The following RIPK1 variants were observed in gnomAD, a reference collection of about 807,000 sequenced individuals.
The protein encoded by RIPK1 is receptor-interacting serine/threonine-protein kinase 1.
RIPK1 carries 27 observed loss-of-function variants against 62.4 expected under a neutral mutation model. That is an observed-to-expected ratio of 0.43 (90% confidence interval 0.32 to 0.60). The LOEUF (loss-of-function observed/expected upper bound fraction) is 0.60, where lower values mean the gene tolerates loss of function less well. Ranked by LOEUF, RIPK1 falls within the 20% of genes least tolerant of loss-of-function variation. RIPK1 has a pLI of 0.07. For missense variants in RIPK1, 735 were observed against 831.0 expected (o/e 0.88, Z 1.42); for synonymous variants, 287 against 303.2 (o/e 0.95, Z 0.55).
chr6:3,077,861 A>G lies in RIPK1; in HGVS notation c.247A>G (p.Ile83Val). 5.6e-6 allele frequency: 9 copies of G among 1,614,234 alleles called. No homozygotes were observed. The highest frequency in any genetic ancestry group is 7.6e-6 in the Non-Finnish European group (9 of 1,180,028). ...GGTGGTGAAGCTCCTGGGCGTCATCATAGAGGAAGGGAAGTACTCCCTGGT... is the reference window on the plus strand; with the variant it reads ...GGTGGTGAAGCTCCTGGGCGTCATCGTAGAGGAAGGGAAGTACTCCCTGGT... ...SRVVKLLGVI[I>V]EEGKYSLVME... is the part of the protein sequence containing the mutation. The change falls in exon 3 of 11, where the codon ATA becomes GTA. Residue 83 changes from isoleucine to valine, a missense_variant. Physicochemically the swap from Ile to Val is conservative, Grantham distance 29. This residue lies in a region of RIPK1 where 671 missense variants were observed against 726.2 expected (regional missense o/e 0.92). Coordinates refer to ENST00000259808, the MANE Select transcript of RIPK1 (RefSeq NM_001354930.2).
chr6:3,096,119 T>C (rs1395671247), intron 7 of RIPK1, among the ~76,000 whole-genome samples: 4 of 152,198 alleles, frequency 2.6e-5, no homozygotes, highest in Admixed American at 2.6e-4. Context: ...TTACAAGGCA[T>C]GAGCCACTGT....
chr6:3,094,277 CA>C (rs1306657456), intron 7 of RIPK1, among the ~76,000 whole-genome samples: 2 of 152,168 alleles, frequency 1.3e-5, no homozygotes, highest in African/African-American at 4.8e-5. Flanking sequence ...AGAGCATTTT[CA>C]AAAACTGACC....
At chr6:3,083,022 A>G in intron 4 of RIPK1, 63 bp from the exon 5 acceptor site, 2 of 1,523,520 alleles carry the variant, frequency 1.3e-6, no homozygotes, top group Non-Finnish European at 1.8e-6. Flanking sequence ...CAAAATTGAA[A>G]GTCAGATCTG....
intron 2 of RIPK1, 113 bp from the exon 3 acceptor site, chr6:3,077,666 G>C (rs1423521240): frequency 8.6e-7 from 1 of 1,164,840 alleles, no homozygotes; most frequent in South Asian, 1.5e-5. Context: ...GGAAGAGATC[G>C]GTACAGACCC....
chr6:3,087,394 C>G (rs1233028108), intron 6 of RIPK1, among the ~76,000 whole-genome samples: 1 of 151,372 alleles, frequency 6.6e-6, no homozygotes, highest in African/African-American at 2.5e-5. Flanking sequence ...TATAGTCCCA[C>G]AGGTCCCTGA....
At chr6:3,087,559 CTTT>C (rs57546727) in intron 6 of RIPK1, among the ~76,000 whole-genome samples, 3 of 140,324 alleles carry the variant, frequency 2.1e-5, no homozygotes, top group African/African-American at 2.6e-5. Flanking sequence ...GTCTACTGAG[CTTT>C]TTTTTTTTTT....
At chr6:3,109,601 G>C (rs1454319899) in intron 9 of RIPK1, among the ~76,000 whole-genome samples, 1 of 152,096 alleles carries the variant, frequency 6.6e-6, no homozygotes, top group African/African-American at 2.4e-5. Flanking sequence ...ATCCACTTCT[G>C]TTTTCTGACT....
At chr6:3,090,664 C>A (rs551796286) in intron 7 of RIPK1, among the ~76,000 whole-genome samples, 2 of 152,184 alleles carry the variant, frequency 1.3e-5, no homozygotes, top group South Asian at 4.1e-4. Flanking sequence ...ATAGAACGAG[C>A]AAACAAAAAT....
At chr6:3,066,482 T>C (rs1002416774), upstream of RIPK1, among the ~76,000 whole-genome samples, 2 of 152,222 alleles carry the variant, frequency 1.3e-5, no homozygotes, top group South Asian at 2.1e-4. Context: ...ATACAGTAGA[T>C]AGAAAGCTTT....
At chr6:3,071,266 A>G (rs2044021748) in intron 1 of RIPK1, among the ~76,000 whole-genome samples, 1 of 152,240 alleles carries the variant, frequency 6.6e-6, no homozygotes, top group South Asian at 2.1e-4. Flanking sequence ...TGTGGTCATC[A>G]TAGAAAAATG....
chr6:3,113,341 C>A lies in RIPK1; in HGVS notation c.*2C>A. 1 of 1,612,206 alleles carries A rather than the reference C, an allele frequency of 6.2e-7. No individual in the cohort carries two copies. The highest frequency in any genetic ancestry group is 8.5e-7 in the Non-Finnish European group (1 of 1,178,988). ...TTGATTTACGTCAGCCAGAACTAAC[C>A]CTGGATGGGCTACGGCAGCTGAAGT... is the stretch of plus-strand genomic sequence containing the variant. On this transcript the variant is annotated 3_prime_UTR_variant, in exon 11 of 11. Coordinates refer to ENST00000259808, the MANE Select transcript of RIPK1 (RefSeq NM_001354930.2). This position sits in a 1 kb window ranked among gnomAD's most constrained non-coding sequence, Gnocchi z 5.0.
chr6:3,094,091 T>TGCACCTAGTAACTGCAGAGCG (rs1760141810), intron 7 of RIPK1, among the ~76,000 whole-genome samples: 1 of 105,962 alleles, frequency 9.4e-6, no homozygotes, highest in Non-Finnish European at 1.8e-5. Context: ...GCCTACCTCC[T>TGCACCTAGTAACTGCAGAGCG]GCACCTAGTA....
intron 7 of RIPK1, among the ~76,000 whole-genome samples, chr6:3,100,653 C>T (rs1178624286): frequency 1.3e-5 from 2 of 151,878 alleles, no homozygotes; most frequent in Admixed American, 1.3e-4. Flanking sequence ...TGCAGTGACA[C>T]AATCTGGGCT....
rs75734260 is a variant in RIPK1, at chr6:3,106,590, A to C, written c.1576+539A>C. On this transcript the variant is annotated intron_variant, in intron 9 of 10. Transcript: ENST00000259808. ...TAATATCCAGCATTTTTATCAAATAATACTCACCAACATCACCTTAACTAC... is the reference window on the plus strand; with the variant it reads ...TAATATCCAGCATTTTTATCAAATACTACTCACCAACATCACCTTAACTAC... Among the ~76,000 whole-genome samples, 1,202 of 152,346 alleles carry C rather than the reference A, an allele frequency of 7.9e-3. 29 individuals are homozygous for C. The highest frequency in any genetic ancestry group is 0.055 in the East Asian group (287 of 5,190).
At chr6:3,079,885 G>A (rs1759287211) in intron 3 of RIPK1, among the ~76,000 whole-genome samples, 1 of 152,214 alleles carries the variant, frequency 6.6e-6, no homozygotes, top group African/African-American at 2.4e-5. Context: ...CTTAGCTTCT[G>A]AGATGAGAGA....
intron 9 of RIPK1, among the ~76,000 whole-genome samples, chr6:3,108,613 G>A (rs980427354): frequency 2.6e-5 from 4 of 152,170 alleles, no homozygotes; most frequent in East Asian, 1.9e-4. Flanking sequence ...CTGGCGATGC[G>A]CAGAGTAAGT....
rs1436783967 is a variant in RIPK1, at chr6:3,076,963, T to C, written c.140T>C (p.Val47Ala). Reference sequence around the variant, plus strand: ...CAGGGACTCATGATCATGAAAACAGTGTACAAGGGGCCCAACTGCATTGAG... The same window carrying C: ...CAGGGACTCATGATCATGAAAACAGCGTACAAGGGGCCCAACTGCATTGAG... The part of the protein sequence containing the change: ...RTQGLMIMKT[V>A]YKGPNCIEHN... Residue 47 changes from valine (V) to alanine (A), a missense_variant, in exon 2 of 11, where the codon GTG (valine) becomes GCG (alanine). By Grantham distance (64) the Val-to-Ala change is moderately conservative. Transcript: ENST00000259808. 4 of 1,606,602 alleles carry C rather than the reference T, an allele frequency of 2.5e-6. No homozygotes were observed. Among genetic ancestry groups the C allele is most frequent in the Non-Finnish European group, 2.5e-6 (3 of 1,176,892 alleles).
intron 9 of RIPK1, among the ~76,000 whole-genome samples, chr6:3,108,369 T>C (rs372535414): frequency 7.0e-4 from 106 of 152,304 alleles, no homozygotes; most frequent in African/African-American, 2.5e-3. Context: ...AGTATGTTTC[T>C]AGTATTGCAT....
chr6:3,081,225 C>A, intron 4 of RIPK1, 109 bp downstream of exon 4: 2 of 1,262,328 alleles, frequency 1.6e-6, no homozygotes, highest in Non-Finnish European at 2.2e-6. Context: ...CCTAGCTCAG[C>A]TTATAACTGT....
Sources: gnomAD v4.1 joint callset for allele counts (sites outside exome capture counted in the v4.1 genomes callset) on GRCh38, gnomAD v4.1.1 for gene constraint, gnomAD v4.1.1 regional missense constraint, Gnocchi (gnomAD v3.1) non-coding constraint, MANE v1.5 for transcripts, NCBI Gene and HGNC (gene_info 2026-07-23, HGNC 2026-07-21) for gene names.